Variants in STPG2 observed in about 807,000 individuals in gnomAD.
STPG2 encodes sperm tail PG-rich repeat containing 2.
STPG2 carries 56 observed loss-of-function variants against 54.2 expected under a neutral mutation model. The observed-to-expected ratio is 1.03, with a 90% confidence interval of 0.83 to 1.29. STPG2 has a LOEUF of 1.29. STPG2 is among the 50% of genes most tolerant of loss of function. STPG2 has a pLI of 0.00. For synonymous variants in STPG2, 200 were observed against 181.8 expected (o/e 1.10, Z -0.81); for missense variants, 596 against 544.9 (o/e 1.09, Z -0.93).
chr4:97,904,589 G>A (rs1001631161), intron 8 of STPG2, among the ~76,000 whole-genome samples: 6 of 152,152 alleles, frequency 3.9e-5, no homozygotes, highest in South Asian at 2.1e-4. Context: ...CACCAGCAAC[G>A]GAACAAAGCT....
chr4:97,567,344 T>G (rs1368005687), intron 10 of STPG2, among the ~76,000 whole-genome samples: 2 of 151,030 alleles, frequency 1.3e-5, no homozygotes, highest in African/African-American at 2.4e-5. Context: ...TGTGGAAATA[T>G]GCACTCCCAT....
intron 4 of STPG2, among the ~76,000 whole-genome samples, chr4:97,444,542 T>G (rs1445629432): frequency 3.9e-5 from 6 of 151,944 alleles, no homozygotes; most frequent in Non-Finnish European, 5.9e-5. Context: ...AAAATATCCT[T>G]CAAAAAGGGA....
At chr4:97,798,724 T>C (rs1727285155) in intron 9 of STPG2, among the ~76,000 whole-genome samples, 1 of 108,348 alleles carries the variant, frequency 9.2e-6, no homozygotes, top group Non-Finnish European at 1.8e-5. Context: ...CTGAGTTCAA[T>C]TCCTGGATAT....
intron 8 of STPG2, among the ~76,000 whole-genome samples, chr4:97,912,652 G>T (rs1194267079): frequency 2.0e-5 from 3 of 152,112 alleles, no homozygotes; most frequent in Non-Finnish European, 1.5e-5. Context: ...AAAAAAGAAT[G>T]AAAAGGAATA....
chr4:97,894,707 T>C (rs17027042), intron 8 of STPG2, among the ~76,000 whole-genome samples: 3,066 of 151,966 alleles, frequency 0.02, 116 homozygotes, highest in African/African-American at 0.07. Context: ...CGTGTCTAAA[T>C]TGAAATCTTC....
chr4:97,457,430 G>A (rs933970957), intron 4 of STPG2, among the ~76,000 whole-genome samples: 1 of 152,198 alleles, frequency 6.6e-6, no homozygotes, highest in Non-Finnish European at 1.5e-5. Flanking sequence ...CAAGACTGAA[G>A]CTTAACTAGG....
At chr4:97,647,550 G>T (rs1315232460) in intron 10 of STPG2, among the ~76,000 whole-genome samples, 1 of 151,990 alleles carries the variant, frequency 6.6e-6, no homozygotes, top group Non-Finnish European at 1.5e-5. Flanking sequence ...GCCTGAGGCT[G>T]TCCCATTATC....
chr4:98,131,351 A>AT (rs1207237237), intron 2 of STPG2, among the ~76,000 whole-genome samples: 1 of 152,116 alleles, frequency 6.6e-6, no homozygotes, highest in Non-Finnish European at 1.5e-5. Context: ...GGAAGCAATG[A>AT]TTTTTTCTAT....
intron 8 of STPG2, among the ~76,000 whole-genome samples, chr4:97,860,079 G>T (rs887997398): frequency 6.6e-6 from 1 of 152,136 alleles, no homozygotes; most frequent in Non-Finnish European, 1.5e-5. Flanking sequence ...CTGTTCCATT[G>T]GTCTACGTGC....
chr4:97,815,112 C>G (rs1013049035), intron 9 of STPG2, among the ~76,000 whole-genome samples: 5 of 152,168 alleles, frequency 3.3e-5, no homozygotes, highest in African/African-American at 1.2e-4. Flanking sequence ...AGAACCATGA[C>G]TAGCTGAAGT....
At chr4:97,726,077 G>A (rs1724615800) in intron 9 of STPG2, among the ~76,000 whole-genome samples, 1 of 151,850 alleles carries the variant, frequency 6.6e-6, no homozygotes, top group Admixed American at 6.6e-5. Flanking sequence ...GAAAGCCCAG[G>A]TTTAATACAA....
chr4:97,497,474 G>A (rs1266904246), intron 4 of STPG2, among the ~76,000 whole-genome samples: 3 of 151,786 alleles, frequency 2.0e-5, no homozygotes, highest in African/African-American at 4.8e-5. Context: ...CAAATTTTGA[G>A]AAATCATCTA....
At position 98,022,736 on chromosome 4, in the gene STPG2, T is replaced by C. The variant is rs1273266224; in HGVS notation, c.613-41418A>G. Among the ~76,000 whole-genome samples, 4 of 152,212 alleles carry C rather than the reference T, an allele frequency of 2.6e-5. No homozygotes were observed. In the East Asian group the frequency reaches 5.8e-4, roughly 22 times the overall value. On this transcript the variant is annotated intron_variant, in intron 5 of 10. Transcript: ENST00000295268. ...CCGTTTCTTTTTATTCTTTTTTCTC[T>C]AAACTTCCCTTCTTGCTTCATTTCA...
intron 4 of STPG2, among the ~76,000 whole-genome samples, chr4:97,535,853 G>T (rs914678689): frequency 6.6e-6 from 1 of 152,104 alleles, no homozygotes; most frequent in Non-Finnish European, 1.5e-5. Context: ...TGAGGCTATA[G>T]TTCCATATGA....
chr4:98,106,054 ATG>A lies in STPG2; in HGVS notation c.509_510del (p.Thr170IlefsTer4). On this transcript the variant is annotated frameshift_variant, in exon 5 of 11. Transcript: ENST00000295268. LOFTEE classifies it high-confidence loss of function. Reference protein sequence around the residue: ...PGQYDIVQKKTSYYENVNIKR... With the variant: ...PGQYDIVQKKXSYYENVNIKR... ...TTGATGTTAACATTTTCATAATATG[ATG>A]TCTTTTTCCTTCAGAAAATTCAAAT... is the stretch of plus-strand genomic sequence containing the variant. 1 of 1,476,770 alleles carries A rather than the reference ATG, an allele frequency of 6.8e-7. No individual in the cohort carries two copies. The highest frequency in any genetic ancestry group is 1.2e-5 in the South Asian group (1 of 80,004). 91.5% of individuals were successfully genotyped at this position (1,476,770 alleles called of 1,614,324 possible).
At position 97,826,770 on chromosome 4, in the gene STPG2, C is replaced by A. The variant is rs542668602; in HGVS notation, c.1204+14003G>T. ...TATAAATATGTTATTGGTATGTATT[C>A]CAAAATAATGGGAAACTCCTATAAT... On this transcript the variant is annotated intron_variant, in intron 9 of 10. Transcript: ENST00000295268. Among the ~76,000 whole-genome samples the A allele has an allele frequency of 3.3e-3, 503 of 152,176 alleles. 1 individual carries two copies. Among genetic ancestry groups the A allele is most frequent in the Non-Finnish European group, 5.5e-3 (374 of 68,000 alleles).
chr4:97,587,896 A>T (rs1578407776), intron 10 of STPG2, among the ~76,000 whole-genome samples: 2 of 152,096 alleles, frequency 1.3e-5, no homozygotes, highest in South Asian at 2.1e-4. Flanking sequence ...ATTTACAGGG[A>T]TCCCTAAATA....
At chr4:97,733,643 T>A (rs895118960) in intron 9 of STPG2, among the ~76,000 whole-genome samples, 4 of 152,100 alleles carry the variant, frequency 2.6e-5, no homozygotes, top group Non-Finnish European at 4.4e-5. Flanking sequence ...GTAGCTAGGA[T>A]CCCAGAGGCC....
At chr4:98,067,018 T>C (rs1737856043) in intron 5 of STPG2, among the ~76,000 whole-genome samples, 1 of 152,136 alleles carries the variant, frequency 6.6e-6, no homozygotes, top group Non-Finnish European at 1.5e-5. Flanking sequence ...CCTCATCAAT[T>C]AAAACAACAC....
Sources: allele counts gnomAD v4.1 joint callset (sites outside exome capture counted in the v4.1 genomes callset), GRCh38; gene constraint gnomAD v4.1.1; transcripts MANE v1.5; gene names NCBI Gene and HGNC (gene_info 2026-07-23, HGNC 2026-07-21).